The following HDX variants were observed in gnomAD, a reference collection of about 807,000 sequenced individuals.
HDX encodes the protein highly divergent homeobox.
In HDX, 19 loss-of-function variants were observed where a neutral mutation model predicts 45.2. That is an observed-to-expected ratio of 0.42 (90% CI 0.29 to 0.62). The LOEUF is 0.62. Among genes scored for constraint, HDX ranks in the 20% least tolerant of loss-of-function variants. The pLI is 0.20. For synonymous variants in HDX, 188 were observed against 172.8 expected, an observed-to-expected ratio of 1.09 and a Z score of -0.69; for missense variants, 532 against 493.9, an observed-to-expected ratio of 1.08 and a Z score of -0.73.
intron 9 of HDX, among the ~76,000 whole-genome samples, chrX:84,332,235 T>G (rs2147771218): frequency 9.0e-6 from 1 of 111,495 alleles, no homozygotes; most frequent in East Asian, 2.8e-4. Flanking sequence ...ATATATTTTC[T>G]ATATAAGTGC....
intron 5 of HDX, among the ~76,000 whole-genome samples, chrX:84,396,742 A>G (rs1009633404): frequency 9.0e-6 from 1 of 111,410 alleles, no homozygotes; most frequent in Non-Finnish European, 1.9e-5. Flanking sequence ...CTGTGGCAGT[A>G]TCAGCAGGGT....
chrX:84,335,060 C>G (rs780461272), intron 8 of HDX, among the ~76,000 whole-genome samples: 2 of 111,343 alleles, frequency 1.8e-5, no homozygotes, highest in Non-Finnish European at 3.8e-5. Flanking sequence ...GGTTTGTGAC[C>G]TGCAGGCTTT....
At chrX:84,476,386 C>G (rs1401504987) in intron 2 of HDX, among the ~76,000 whole-genome samples, 1 of 108,753 alleles carries the variant, frequency 9.2e-6, no homozygotes, top group Non-Finnish European at 1.9e-5. Flanking sequence ...ATTAAGAAAA[C>G]AGCAACACAT....
At chrX:84,354,599 A>G (rs1329395172) in intron 6 of HDX, among the ~76,000 whole-genome samples, 1 of 110,427 alleles carries the variant, frequency 9.1e-6, no homozygotes, top group Non-Finnish European at 1.9e-5. Context: ...TACAGGTGAT[A>G]AGCAAATAGA....
rs749105820 is a variant in HDX, at chrX:84,477,196, G to T, written c.1-1799C>A. Among the ~76,000 whole-genome samples the T allele has an allele frequency of 2.7e-5, 3 of 111,411 alleles. No individual in the cohort carries two copies. The East Asian group carries it at 8.5e-4, about 32-fold the overall frequency. ...TATTTCATCTGGTATGGATTTAGAA[G>T]CAAGGTACTTTGAAATGGGTTCTGA... On this transcript the variant is annotated intron_variant, in intron 2 of 10. Transcript: ENST00000373177.
rs1353857260 is a variant in HDX at position 84,320,048 on chromosome X, C to T, written c.*1841G>A. ...TAAACTCAATGACTATGAAGCAGAC[C>T]CTAGGAGAGACTTGAAGGCCTGGAA... On this transcript the variant is annotated 3_prime_UTR_variant, in exon 11 of 11. Transcript: ENST00000373177. The T allele has an allele frequency of 9.0e-6, 1 of 110,543 alleles. No homozygotes were observed. Among genetic ancestry groups the T allele is most frequent in the Non-Finnish European group, 1.9e-5 (1 of 52,340 alleles). The allele number at this position is 110,543 out of a possible 1,213,427, so 9.1% of individuals were successfully genotyped here.
chrX:84,492,911 CTTT>C (rs11390246), intron 1 of HDX, among the ~76,000 whole-genome samples: 1 of 96,626 alleles, frequency 1.0e-5, no homozygotes. Flanking sequence ...TTACAAAAAG[CTTT>C]TTTTTTTTTT....
intron 2 of HDX, among the ~76,000 whole-genome samples, chrX:84,487,636 G>A (rs2040821952): frequency 9.0e-6 from 1 of 111,559 alleles, no homozygotes; most frequent in Non-Finnish European, 1.9e-5. Flanking sequence ...ACAACTCAAG[G>A]ATGAGCTTAA....
intron 5 of HDX, among the ~76,000 whole-genome samples, chrX:84,394,450 G>A (rs989614686): frequency 1.8e-5 from 2 of 111,598 alleles, no homozygotes; most frequent in Non-Finnish European, 3.8e-5. Flanking sequence ...TTTATGTTTC[G>A]ATAAGAAGAA....
intron 5 of HDX, among the ~76,000 whole-genome samples, chrX:84,421,694 A>G (rs1403202521): frequency 9.1e-6 from 1 of 110,309 alleles, no homozygotes; most frequent in Non-Finnish European, 1.9e-5. Flanking sequence ...CTATAAAGAC[A>G]CATAGGCTGA....
chrX:84,462,610 G>T (rs1159104981), intron 4 of HDX, among the ~76,000 whole-genome samples: 1 of 110,744 alleles, frequency 9.0e-6, no homozygotes, highest in Non-Finnish European at 1.9e-5. Context: ...TGATACTAAA[G>T]AAAACAAAAC....
intron 8 of HDX, among the ~76,000 whole-genome samples, chrX:84,335,643 T>C (rs1190875816): frequency 8.1e-5 from 9 of 111,227 alleles, no homozygotes; most frequent in Admixed American, 6.7e-4. Context: ...GATTATTAGT[T>C]GGTGGAATTT....
At chrX:84,404,021 C>G (rs184785971) in intron 5 of HDX, 3 of 110,786 alleles carry the variant, frequency 2.7e-5, no homozygotes, top group Admixed American at 1.9e-4. Context: ...AAGCAGGTGC[C>G]GACAGGGAAA....
intron 5 of HDX, among the ~76,000 whole-genome samples, chrX:84,428,771 C>A (rs2039440824): frequency 9.0e-6 from 1 of 110,585 alleles, no homozygotes; most frequent in Admixed American, 9.7e-5. Context: ...AATGTGAAAT[C>A]TAAGTAATCT....
intron 5 of HDX, among the ~76,000 whole-genome samples, chrX:84,362,233 T>C (rs942392891): frequency 1.8e-5 from 2 of 111,538 alleles, no homozygotes; most frequent in Non-Finnish European, 3.8e-5. Flanking sequence ...TTCTTAGGTT[T>C]TCTTTATCCA....
At chrX:84,383,535 C>G (rs1422033603) in intron 5 of HDX, among the ~76,000 whole-genome samples, 3 of 111,586 alleles carry the variant, frequency 2.7e-5, no homozygotes, top group South Asian at 7.4e-4. Flanking sequence ...TAAAAGTCAT[C>G]AAGATCATAT....
chrX:84,441,957 C>G (rs1455291851), intron 4 of HDX, among the ~76,000 whole-genome samples: 1 of 111,237 alleles, frequency 9.0e-6, no homozygotes, highest in Non-Finnish European at 1.9e-5. Context: ...AGACAAATGG[C>G]CAGTAACACC....
intron 8 of HDX, among the ~76,000 whole-genome samples, chrX:84,336,419 C>A (rs2036964028): frequency 9.0e-6 from 1 of 111,084 alleles, no homozygotes; most frequent in Non-Finnish European, 1.9e-5. Flanking sequence ...CATACATGTG[C>A]CACAACTAAC....
At chrX:84,378,175 A>G (rs921627537) in intron 5 of HDX, among the ~76,000 whole-genome samples, 1 of 111,797 alleles carries the variant, frequency 8.9e-6, no homozygotes, top group Admixed American at 9.5e-5. Context: ...CCCTCCAAAC[A>G]TAAAGAAATA....
Sources: gnomAD v4.1 joint callset for allele counts (sites outside exome capture counted in the v4.1 genomes callset) on GRCh38, gnomAD v4.1.1 for gene constraint, MANE v1.5 for transcripts, NCBI Gene and HGNC (gene_info 2026-07-23, HGNC 2026-07-21) for gene names.